Variants in VWA8 observed in about 807,000 individuals in gnomAD.
VWA8 encodes von Willebrand factor A domain-containing protein 8.
A neutral mutation model predicts 241.5 loss-of-function variants in VWA8; 221 were observed. The ratio of observed to expected loss-of-function variants is 0.91; its 90% CI spans 0.82 to 1.02. The LOEUF is 1.02. Among genes scored for constraint, VWA8 ranks in the 50% least tolerant of loss-of-function variants. The probability of loss-of-function intolerance (pLI) is 0.00; values close to 1 mark genes in which losing one functional copy is unlikely to be tolerated. For missense variants in VWA8, 2,322 were observed against 2,328.7 expected (o/e 1.00, Z 0.06); for synonymous variants, 852 against 827.1 (o/e 1.03, Z -0.52).
chr13:41,863,369 T>C (rs948361565), intron 12 of VWA8, among the ~76,000 whole-genome samples: 1 of 145,108 alleles, frequency 6.9e-6, no homozygotes, highest in African/African-American at 2.7e-5. Context: ...TTTATATATA[T>C]ATATGTGTGT....
intron 43 of VWA8, among the ~76,000 whole-genome samples, chr13:41,571,284 TCTCCCTCTCCCGTCTCCCTCTCCCTC>T (rs2044300056): frequency 6.9e-6 from 1 of 145,192 alleles, no homozygotes; most frequent in African/African-American, 2.6e-5. Context: ...CCCTCTCCCG[TCTCCCTCTCCCGTCTCCCTCTCCCTC>T]CTCCCTCTCC....
rs143266891 is a variant in VWA8, at chr13:41,587,174, G to A, written c.5271+338C>T. 1.2e-3 allele frequency among the ~76,000 whole-genome samples: 189 copies of A among 152,296 alleles called. 3 individuals are homozygous for A. Among genetic ancestry groups the A allele is most frequent in the African/African-American group, 4.3e-3 (180 of 41,570 alleles). ...TCAGGGTGGACTCAAACTTTGGAAG[G>A]CTGCTTGGCTAGTGATGGGGCAAGA... On this transcript the variant is annotated intron_variant, in intron 42 of 44. Transcript: ENST00000379310.
intron 40 of VWA8, among the ~76,000 whole-genome samples, chr13:41,597,553 T>C (rs2044496637): frequency 6.6e-6 from 1 of 152,112 alleles, no homozygotes; most frequent in African/African-American, 2.4e-5. Flanking sequence ...TAGAAGAGTT[T>C]ATATTCTTGG....
chr13:41,916,864 A>C (rs1436431969), intron 2 of VWA8, among the ~76,000 whole-genome samples: 1 of 152,214 alleles, frequency 6.6e-6, no homozygotes, highest in African/African-American at 2.4e-5. Context: ...CCTAATATAA[A>C]CATAGCACAG....
At chr13:41,941,687 G>A (rs970901960) in intron 2 of VWA8, among the ~76,000 whole-genome samples, 1 of 152,050 alleles carries the variant, frequency 6.6e-6, no homozygotes, top group African/African-American at 2.4e-5. Context: ...ACAGAATAAT[G>A]GAAAACGAAA....
chr13:41,742,605 G>A (rs1049565694), intron 21 of VWA8, among the ~76,000 whole-genome samples: 5 of 152,160 alleles, frequency 3.3e-5, no homozygotes, highest in Non-Finnish European at 7.4e-5. Context: ...GGTTAATAAT[G>A]CAAAACCCTT....
chr13:41,615,559 GAAAAGA>G (rs532169571), intron 37 of VWA8, among the ~76,000 whole-genome samples: 193 of 152,222 alleles, frequency 1.3e-3, no homozygotes, highest in Admixed American at 4.8e-3. Context: ...ATAATATATG[GAAAAGA>G]AAAACAAAAA....
chr13:41,671,493 T>C (rs2045023476), intron 36 of VWA8, among the ~76,000 whole-genome samples: 1 of 152,206 alleles, frequency 6.6e-6, no homozygotes, highest in African/African-American at 2.4e-5. Context: ...CTGATTAGGT[T>C]CTCTAAACTT....
intron 40 of VWA8, among the ~76,000 whole-genome samples, chr13:41,592,779 G>T (rs1390288691): frequency 6.7e-6 from 1 of 148,736 alleles, no homozygotes; most frequent in Non-Finnish European, 1.5e-5. Context: ...GGTTCTAACT[G>T]TTCTTTCACC....
At chr13:41,712,220 T>A (rs1472895939) in intron 26 of VWA8, among the ~76,000 whole-genome samples, 2 of 152,122 alleles carry the variant, frequency 1.3e-5, no homozygotes, top group Non-Finnish European at 2.9e-5. Flanking sequence ...TAACATTTTG[T>A]ATATTTCAAA....
At chr13:41,866,923 T>A (rs1873339608) in intron 10 of VWA8, among the ~76,000 whole-genome samples, 1 of 152,206 alleles carries the variant, frequency 6.6e-6, no homozygotes, top group Non-Finnish European at 1.5e-5. Context: ...CTTCCCCTTT[T>A]ATTATTTATC....
intron 17 of VWA8, among the ~76,000 whole-genome samples, chr13:41,789,266 T>A (rs1391377307): frequency 6.6e-6 from 1 of 152,118 alleles, no homozygotes; most frequent in African/African-American, 2.4e-5. Flanking sequence ...TTTTTACTTA[T>A]TTTTTCCCTC....
intron 38 of VWA8, among the ~76,000 whole-genome samples, chr13:41,613,891 C>G (rs1348596827): frequency 2.0e-5 from 3 of 152,234 alleles, no homozygotes; most frequent in South Asian, 4.2e-4. Flanking sequence ...AGCCAAGGAG[C>G]CTTGATCAAT....
intron 20 of VWA8, among the ~76,000 whole-genome samples, chr13:41,777,657 G>C (rs1346714545): frequency 1.3e-5 from 2 of 152,114 alleles, no homozygotes; most frequent in African/African-American, 2.4e-5. Context: ...GATAAGAATG[G>C]GCATAAGGTG....
At chr13:41,766,213 G>C (rs2137913145) in intron 20 of VWA8, among the ~76,000 whole-genome samples, 1 of 152,284 alleles carries the variant, frequency 6.6e-6, no homozygotes, top group East Asian at 1.9e-4. Flanking sequence ...TGTTTCCTCA[G>C]AGAGATTAGC....
intron 9 of VWA8, among the ~76,000 whole-genome samples, chr13:41,875,496 T>A (rs373350309): frequency 6.6e-6 from 1 of 152,106 alleles, no homozygotes; most frequent in Non-Finnish European, 1.5e-5. Context: ...TTGATACATA[T>A]GAATTATAAT....
intron 37 of VWA8, among the ~76,000 whole-genome samples, chr13:41,651,150 C>T (rs1451669663): frequency 6.6e-6 from 1 of 151,552 alleles, no homozygotes. Flanking sequence ...GCCATCTGAT[C>T]TTTGACAAAG....
At chr13:41,716,764 T>C (rs1295845993) in intron 26 of VWA8, among the ~76,000 whole-genome samples, 1 of 152,102 alleles carries the variant, frequency 6.6e-6, no homozygotes, top group Non-Finnish European at 1.5e-5. Flanking sequence ...GGCAAAAAGA[T>C]ACTAATAGTA....
intron 12 of VWA8, among the ~76,000 whole-genome samples, chr13:41,842,662 C>T (rs139552390): frequency 6.6e-5 from 10 of 152,230 alleles, no homozygotes; most frequent in African/African-American, 2.4e-4. Context: ...AATAAAGATG[C>T]AAAATTAAAT....
Sources: allele counts gnomAD v4.1 joint callset (sites outside exome capture counted in the v4.1 genomes callset), GRCh38; gene constraint gnomAD v4.1.1; transcripts MANE v1.5; gene names NCBI Gene and HGNC (gene_info 2026-07-23, HGNC 2026-07-21).